CHRM3: variants seen among roughly 807,000 people sequenced by gnomAD.
The protein encoded by CHRM3 is cholinergic receptor muscarinic 3.
Under a neutral mutation model 41.8 loss-of-function variants are expected in CHRM3, and 11 were observed. The ratio of observed to expected loss-of-function variants is 0.26; its 90% CI spans 0.17 to 0.44. The LOEUF (loss-of-function observed/expected upper bound fraction) is 0.44. Ranked by LOEUF, CHRM3 falls within the 20% of genes least tolerant of loss-of-function variation. The pLI, the probability that CHRM3 is intolerant of heterozygous loss-of-function variation, is 1.00. For synonymous variants in CHRM3, 297 were observed against 301.4 expected, an observed-to-expected ratio of 0.99 and a Z score of 0.15; for missense variants, 571 against 745.4, an observed-to-expected ratio of 0.77 and a Z score of 2.72.
At chr1:239,520,650 T>C (rs899231209) in intron 2 of CHRM3, among the ~76,000 whole-genome samples, 7 of 152,162 alleles carry the variant, frequency 4.6e-5, no homozygotes, top group Non-Finnish European at 8.8e-5. Flanking sequence ...TAGTTCTTTA[T>C]TGCAATGCAG....
chr1:239,437,764 AAAAGGTTCACCAG>A (rs1663389271), intron 1 of CHRM3, among the ~76,000 whole-genome samples: 1 of 152,186 alleles, frequency 6.6e-6, no homozygotes, highest in Non-Finnish European at 1.5e-5. Flanking sequence ...ATGAGAGGCC[AAAAGGTTCACCAG>A]AACAACTCAG....
chr1:239,840,578 C>T (rs1673712081), intron 6 of CHRM3, among the ~76,000 whole-genome samples: 1 of 152,134 alleles, frequency 6.6e-6, no homozygotes, highest in African/African-American at 2.4e-5. Flanking sequence ...AGCTGTAGTA[C>T]ACACCATTGA....
chr1:239,692,784 C>T (rs1239041403), intron 5 of CHRM3, among the ~76,000 whole-genome samples: 1 of 152,126 alleles, frequency 6.6e-6, no homozygotes, highest in African/African-American at 2.4e-5. Context: ...AGGCTTTACA[C>T]TGGAGTAAGG....
intron 4 of CHRM3, among the ~76,000 whole-genome samples, chr1:239,672,043 G>T (rs563388465): frequency 3.6e-4 from 55 of 152,232 alleles, no homozygotes; most frequent in Middle Eastern, 3.4e-3. Flanking sequence ...AGAATGAAAG[G>T]CATGTTGGTA....
Position 239,510,986 on chromosome 1 carries a change from C to T in CHRM3, c.-422+18179C>T, listed in dbSNP as rs548861524. 3.6e-4 allele frequency among the ~76,000 whole-genome samples: 54 copies of T among 152,086 alleles called. 1 individual carries two copies. The South Asian group carries it at 5.4e-3, about 15-fold the overall frequency. ...AAAGAACAAAATGAGACTACAGCAA[C>T]GACAGAAATAGAATATTGAAGAGAG... On this transcript the variant is annotated intron_variant, in intron 2 of 6. Transcript: ENST00000676153.
intron 5 of CHRM3, among the ~76,000 whole-genome samples, chr1:239,766,219 T>C (rs1169672733): frequency 6.6e-6 from 1 of 152,118 alleles, no homozygotes; most frequent in Non-Finnish European, 1.5e-5. Context: ...TATTATCAAA[T>C]GTAGGATTAC....
intron 3 of CHRM3, among the ~76,000 whole-genome samples, chr1:239,585,916 TTTTA>T (rs1357447168): frequency 1.3e-5 from 2 of 152,218 alleles, no homozygotes; most frequent in Non-Finnish European, 2.9e-5. Context: ...GCAATGTCAG[TTTTA>T]TTTATCATTC....
rs764709460 is a variant in CHRM3, at chr1:239,386,971, G to C, written c.-777G>C. Reference sequence around the variant, plus strand: ...GCGGGCGGAGCGCTCTCAGACCCCGGAGCGCACACCGCGGGGCCATCGGTG... The same window carrying C: ...GCGGGCGGAGCGCTCTCAGACCCCGCAGCGCACACCGCGGGGCCATCGGTG... On this transcript the variant is annotated 5_prime_UTR_variant, in exon 1 of 7. Coordinates refer to ENST00000676153, the MANE Select transcript of CHRM3 (RefSeq NM_001375978.1). The C allele has an allele frequency of 2.2e-4, 33 of 152,080 alleles. No individual in the cohort carries two copies. The highest frequency in any genetic ancestry group is 1.4e-3 in the Admixed American group (21 of 15,268). 9.4% of individuals were successfully genotyped at this position (152,080 alleles called of 1,614,324 possible). A position where few individuals can be genotyped will look rare whatever the true frequency, so the allele number is the denominator to read the frequency against.
chr1:239,829,099 T>C (rs1057494461), intron 6 of CHRM3, among the ~76,000 whole-genome samples: 4 of 152,216 alleles, frequency 2.6e-5, no homozygotes, highest in African/African-American at 9.7e-5. Flanking sequence ...TTTGTTTTAA[T>C]TTCTTTCCAT....
chr1:239,810,340 G>A (rs947353523), intron 5 of CHRM3, among the ~76,000 whole-genome samples: 1 of 152,152 alleles, frequency 6.6e-6, no homozygotes, highest in Non-Finnish European at 1.5e-5. Flanking sequence ...AAGAGCCACA[G>A]ACATAAGGGG....
At chr1:239,559,964 A>T (rs1475657025) in intron 3 of CHRM3, among the ~76,000 whole-genome samples, 8 of 152,138 alleles carry the variant, frequency 5.3e-5, no homozygotes, top group Admixed American at 5.2e-4. Context: ...TCACATTGCA[A>T]TTTTTCAAAT....
intron 6 of CHRM3, among the ~76,000 whole-genome samples, chr1:239,889,286 C>T (rs1428244786): frequency 6.6e-6 from 1 of 152,136 alleles, no homozygotes; most frequent in Non-Finnish European, 1.5e-5. Context: ...GGACTAGGTG[C>T]ACTATTTGCA....
chr1:239,516,527 A>G (rs1039310030), intron 2 of CHRM3, among the ~76,000 whole-genome samples: 2 of 152,224 alleles, frequency 1.3e-5, no homozygotes, highest in Non-Finnish European at 1.5e-5. Flanking sequence ...ATCAAAGAGT[A>G]TGGTTAAACC....
intron 3 of CHRM3, among the ~76,000 whole-genome samples, chr1:239,582,930 A>T (rs1663034976): frequency 6.6e-6 from 1 of 152,120 alleles, no homozygotes; most frequent in Admixed American, 6.5e-5. Flanking sequence ...AGCTCTCCAG[A>T]GTCATAGAAG....
chr1:239,658,979 C>G (rs1330600597), intron 4 of CHRM3, among the ~76,000 whole-genome samples: 1 of 152,090 alleles, frequency 6.6e-6, no homozygotes, highest in East Asian at 1.9e-4. Flanking sequence ...CTCAAGTGAT[C>G]CATCCACCTT....
At chr1:239,770,286 G>A (rs1200610990) in intron 5 of CHRM3, among the ~76,000 whole-genome samples, 1 of 152,190 alleles carries the variant, frequency 6.6e-6, no homozygotes, top group African/African-American at 2.4e-5. Context: ...CAGTGTATGT[G>A]TTTGCAGATT....
chr1:239,725,193 G>C (rs1383967989), intron 5 of CHRM3, among the ~76,000 whole-genome samples: 1 of 151,664 alleles, frequency 6.6e-6, no homozygotes, highest in Non-Finnish European at 1.5e-5. Context: ...TCTTTGTTTT[G>C]GTAGTATAAC....
chr1:239,489,389 G>T (rs565303018), intron 1 of CHRM3, among the ~76,000 whole-genome samples: 11 of 151,998 alleles, frequency 7.2e-5, no homozygotes, highest in African/African-American at 2.6e-4. Context: ...CTCCAGCCTG[G>T]GCAACAGAGC....
intron 4 of CHRM3, among the ~76,000 whole-genome samples, chr1:239,651,292 A>G (rs1228014741): frequency 1.3e-5 from 2 of 152,242 alleles, no homozygotes; most frequent in Non-Finnish European, 2.9e-5. Context: ...AAGGCAAGGC[A>G]TTGTGAAAGG....
Sources: gnomAD v4.1 joint callset for allele counts (sites outside exome capture counted in the v4.1 genomes callset) on GRCh38, gnomAD v4.1.1 for gene constraint, MANE v1.5 for transcripts, NCBI Gene and HGNC (gene_info 2026-07-23, HGNC 2026-07-21) for gene names.